The following ETV5 variants were observed in gnomAD, a reference collection of about 807,000 sequenced individuals.
ETV5 encodes ETS translocation variant 5.
A neutral mutation model predicts 70.0 loss-of-function variants in ETV5; 10 were observed. The observed-to-expected ratio is 0.14, with a 90% CI of 0.09 to 0.24. The LOEUF is 0.24. Ranked by LOEUF, ETV5 falls within the 10% of genes least tolerant of loss-of-function variation. The pLI, the probability that ETV5 is intolerant of heterozygous loss-of-function variation, is 1.00. For synonymous variants in ETV5, 216 were observed against 242.2 expected, an observed-to-expected ratio of 0.89 and a Z score of 1.01; for missense variants, 453 against 651.2, an observed-to-expected ratio of 0.70 and a Z score of 3.31.
At chr3:186,077,498 T>C (rs1276498669) in intron 7 of ETV5, among the ~76,000 whole-genome samples, 1 of 152,214 alleles carries the variant, frequency 6.6e-6, no homozygotes, top group South Asian at 2.1e-4. Flanking sequence ...TTATGTCACA[T>C]AGATATCACG....
intron 7 of ETV5, among the ~76,000 whole-genome samples, chr3:186,071,495 A>C (rs1191966026): frequency 6.6e-6 from 1 of 152,192 alleles, no homozygotes; most frequent in East Asian, 1.9e-4. Flanking sequence ...CTGAAGCCTC[A>C]GTTTCCTCTC....
At chr3:186,104,208 C>T (rs1211654278) in intron 5 of ETV5, among the ~76,000 whole-genome samples, 1 of 152,196 alleles carries the variant, frequency 6.6e-6, no homozygotes, top group Non-Finnish European at 1.5e-5. Flanking sequence ...TAGAGCAGCC[C>T]TGTGCTGCTC....
chr3:186,081,525 T>G (rs369766518), intron 5 of ETV5, among the ~76,000 whole-genome samples: 3 of 152,154 alleles, frequency 2.0e-5, no homozygotes, highest in African/African-American at 7.2e-5. Context: ...ATGAAGAATT[T>G]TGTTTCCAAA....
At chr3:186,056,057 T>A (rs767742053) in intron 11 of ETV5, among the ~76,000 whole-genome samples, 14 of 152,204 alleles carry the variant, frequency 9.2e-5, no homozygotes, top group Non-Finnish European at 2.1e-4. Flanking sequence ...TCAACCCCTT[T>A]AGAATATGCT....
In ETV5 at chr3:186,054,851, G is replaced by A. The variant is rs1422190697; in HGVS notation, c.1209+2224C>T. Among the ~76,000 whole-genome samples, 8 of 152,142 alleles carry A rather than the reference G, an allele frequency of 5.3e-5. No individual in the cohort carries two copies. Among genetic ancestry groups the A allele is most frequent in the Non-Finnish European group, 1.0e-4 (7 of 68,040 alleles). On this transcript the variant is annotated intron_variant, in intron 11 of 12. Transcript: ENST00000306376. The surrounding 1 kb of genome is among the most constrained non-coding windows in gnomAD (Gnocchi z 4.4). ...AAATGTCACCTGTCCTGAGGCTAAC[G>A]TGCACATGTGGCACCCAACTGATCC...
At chr3:186,087,339 C>T (rs1039665117) in intron 5 of ETV5, among the ~76,000 whole-genome samples, 1 of 152,154 alleles carries the variant, frequency 6.6e-6, no homozygotes, top group Non-Finnish European at 1.5e-5. Context: ...AGGTTACTCT[C>T]GACGGGGTGG....
In ETV5 at chr3:186,057,207, C is replaced by A; in HGVS notation, c.1077G>T (p.Gly359=). The A allele has an allele frequency of 1.2e-6, 2 of 1,614,162 alleles. No individual in the cohort carries two copies. Among genetic ancestry groups the A allele is most frequent in the South Asian group, 1.1e-5 (1 of 91,082 alleles). Residue 359 remains glycine, a synonymous_variant, in exon 11 of 13, where the codon GGG becomes GGT. Coordinates refer to ENST00000306376, the MANE Select transcript of ETV5 (RefSeq NM_004454.3). This position sits in a 1 kb window ranked among gnomAD's most constrained non-coding sequence, Gnocchi z 4.9. ...VKQEPTMYRE[G]PPYQRRGSLQ... ...GGGAACCTCGCCTCTGGTAAGGGGGCCCCTCTCGATACATGGTAGGCTCCT... is the reference window on the plus strand; with the variant it reads ...GGGAACCTCGCCTCTGGTAAGGGGGACCCTCTCGATACATGGTAGGCTCCT...
rs955691355 is a variant in ETV5, at chr3:186,108,527, CG to C, written c.-75+412del. 2.3e-6 allele frequency: 3 copies of C among 1,286,090 alleles called. No individual in the cohort carries two copies. The African/African-American group carries it at 4.6e-5, about 20-fold the overall frequency. 79.7% of individuals were successfully genotyped at this position (1,286,090 alleles called of 1,614,324 possible). On this transcript the variant is annotated intron_variant, in intron 1 of 12. Coordinates refer to ENST00000306376, the MANE Select transcript of ETV5 (RefSeq NM_004454.3). ...CAGACATTCCCCTCAAACTGCTTCC[CG>C]CCCCCTCCTCCCAACTGCGGAGCTC...
intron 5 of ETV5, among the ~76,000 whole-genome samples, chr3:186,094,252 G>A (rs1714252276): frequency 6.6e-6 from 1 of 152,142 alleles, no homozygotes; most frequent in African/African-American, 2.4e-5. Context: ...TCCGTCCACG[G>A]GTGTAAAGTA....
intron 7 of ETV5, among the ~76,000 whole-genome samples, chr3:186,069,089 T>C (rs928167433): frequency 6.6e-6 from 1 of 152,182 alleles, no homozygotes; most frequent in Non-Finnish European, 1.5e-5. Context: ...TTTACAATCT[T>C]AAACTGAAGA....
rs1229987462 is a variant in ETV5, at chr3:186,105,252, T to C, written c.232+53A>G. 2 of 1,522,638 alleles carry C rather than the reference T, an allele frequency of 1.3e-6. No homozygotes were observed. Among genetic ancestry groups the C allele is most frequent in the East Asian group, 4.5e-5 (2 of 44,412 alleles). 94.3% of individuals were successfully genotyped at this position (1,522,638 alleles called of 1,614,324 possible). A position where few individuals can be genotyped will look rare whatever the true frequency, so the allele number is the denominator to read the frequency against. ...AAAAGCATATTCTAGACATGGATGA[T>C]CTAAGACCAAACAATTTCAGAACAA... On this transcript the variant is annotated intron_variant, in intron 5 of 12. Coordinates refer to ENST00000306376, the MANE Select transcript of ETV5 (RefSeq NM_004454.3). The surrounding 1 kb of genome is among the most constrained non-coding windows in gnomAD (Gnocchi z 4.5).
chr3:186,075,603 C>G (rs1009300801), intron 7 of ETV5, among the ~76,000 whole-genome samples: 5 of 152,218 alleles, frequency 3.3e-5, no homozygotes, highest in Admixed American at 6.5e-5. Flanking sequence ...ACCACCGAAG[C>G]AGACGTTCTT....
chr3:186,092,021 C>T (rs1714193712), intron 5 of ETV5, among the ~76,000 whole-genome samples: 1 of 152,122 alleles, frequency 6.6e-6, no homozygotes, highest in Non-Finnish European at 1.5e-5. Flanking sequence ...GAGCCAAGAC[C>T]TTTTGGGGAA....
intron 7 of ETV5, among the ~76,000 whole-genome samples, chr3:186,074,321 G>T (rs1169587608): frequency 6.6e-6 from 1 of 152,074 alleles, no homozygotes; most frequent in African/African-American, 2.4e-5. Flanking sequence ...AAGACACTGA[G>T]CCAGTAATTA....
rs145555942 is a variant in ETV5, at chr3:186,106,530, A to G, written c.-74-588T>C. The stretch of plus-strand genomic sequence containing the variant: ...CTTTATTTAAAAGAGGACTAAACAG[A>G]TATAGCATCTGTAATGTCACAAATA... On this transcript the variant is annotated intron_variant, in intron 1 of 12. Transcript: ENST00000306376. Among the ~76,000 whole-genome samples, 818 of 152,354 alleles carry G rather than the reference A, an allele frequency of 5.4e-3. 3 individuals are homozygous for G. The highest frequency in any genetic ancestry group is 8.6e-3 in the Non-Finnish European group (582 of 68,032).
chr3:186,108,758 G>A, intron 1 of ETV5, 182 bp downstream of exon 1: 2 of 787,038 alleles, frequency 2.5e-6, no homozygotes, highest in Non-Finnish European at 3.4e-6. Context: ...CGCCTCCCAG[G>A]AACCAAACCG....
At chr3:186,083,452 C>T (rs1713980764) in intron 5 of ETV5, among the ~76,000 whole-genome samples, 1 of 152,126 alleles carries the variant, frequency 6.6e-6, no homozygotes, top group South Asian at 2.1e-4. Flanking sequence ...TAACAGTTAC[C>T]AATTTTGCTG....
chr3:186,071,555 T>C (rs1578547127), intron 7 of ETV5, among the ~76,000 whole-genome samples: 1 of 152,200 alleles, frequency 6.6e-6, no homozygotes, highest in African/African-American at 2.4e-5. Context: ...TGTAAGATAA[T>C]GTATGTTATA....
intron 7 of ETV5, 51 bp from the exon 8 acceptor site, chr3:186,066,123 A>G: frequency 2.7e-6 from 4 of 1,494,808 alleles, no homozygotes; most frequent in Non-Finnish European, 3.6e-6. Context: ...ATGAATTCCT[A>G]CTATGATTGA....
Sources: allele counts gnomAD v4.1 joint callset (sites outside exome capture counted in the v4.1 genomes callset), GRCh38; gene constraint gnomAD v4.1.1; non-coding constraint Gnocchi (gnomAD v3.1); transcripts MANE v1.5; gene names NCBI Gene and HGNC (gene_info 2026-07-23, HGNC 2026-07-21).